The following MAP3K5 variants were observed in gnomAD, a reference collection of about 807,000 sequenced individuals.
The protein encoded by MAP3K5 is mitogen-activated protein kinase kinase kinase 5.
MAP3K5 carries 56 observed loss-of-function variants against 158.7 expected under a neutral mutation model. The observed-to-expected ratio is 0.35, with a 90% CI of 0.28 to 0.44. MAP3K5 has a LOEUF of 0.44. Ranked by LOEUF, MAP3K5 falls within the 20% of genes least tolerant of loss-of-function variation. MAP3K5 has a pLI of 1.00. For missense variants in MAP3K5, 1,294 were observed against 1,674.8 expected (o/e 0.77, Z 3.97); for synonymous variants, 579 against 601.7 (o/e 0.96, Z 0.55).
At chr6:136,782,492 A>G (rs1360946340) in intron 1 of MAP3K5, among the ~76,000 whole-genome samples, 7 of 152,136 alleles carry the variant, frequency 4.6e-5, no homozygotes, top group Non-Finnish European at 1.0e-4. Flanking sequence ...AGAAGAGGCT[A>G]CAAGTATTGG....
chr6:136,611,175 T>A lies in MAP3K5; in HGVS notation c.2521+107A>T. ...AAAAGAAAGAAAAAAGATACCAACA[T>A]TACTGTGTGTGAGAACACCAACTGA... On this transcript the variant is annotated intron_variant, in intron 18 of 29. Coordinates refer to ENST00000359015, the MANE Select transcript of MAP3K5 (RefSeq NM_005923.4). 5.8e-6 allele frequency: 3 copies of A among 520,062 alleles called. 1 individual carries two copies. The South Asian group carries it at 8.3e-5, about 14-fold the overall frequency. 32.2% of individuals were successfully genotyped at this position (520,062 alleles called of 1,614,324 possible).
chr6:136,579,839 C>A lies in MAP3K5; in HGVS notation c.3517+462G>T, dbSNP rs778479098. 3.3e-5 allele frequency: 15 copies of A among 456,668 alleles called. No individual in the cohort carries two copies. In the East Asian group the frequency reaches 6.3e-4, roughly 19 times the overall value. 28.3% of individuals were successfully genotyped at this position (456,668 alleles called of 1,614,324 possible). A position where few individuals can be genotyped will look rare whatever the true frequency, so the allele number is the denominator to read the frequency against. ...AAAAATCAGATTCCTGGGCTTTATT[C>A]CTGGCAGATTCTTATTTGGCTTCAG... On this transcript the variant is annotated intron_variant, in intron 25 of 29. Coordinates refer to ENST00000359015, the MANE Select transcript of MAP3K5 (RefSeq NM_005923.4).
chr6:136,667,549 C>T (rs986945060), intron 8 of MAP3K5, among the ~76,000 whole-genome samples: 9 of 152,022 alleles, frequency 5.9e-5, no homozygotes, highest in African/African-American at 9.7e-5. Context: ...CGTGCCAGTG[C>T]ACTCCAGCTT....
intron 15 of MAP3K5, among the ~76,000 whole-genome samples, chr6:136,616,398 G>A (rs1431414204): frequency 5.5e-5 from 8 of 146,328 alleles, no homozygotes; most frequent in East Asian, 2.1e-4. Flanking sequence ...TCTGCCTCCC[G>A]AGTTCAAGTG....
intron 7 of MAP3K5, among the ~76,000 whole-genome samples, chr6:136,683,683 C>T (rs1424934634): frequency 6.6e-6 from 1 of 152,188 alleles, no homozygotes; most frequent in Non-Finnish European, 1.5e-5. Flanking sequence ...GGGTAATTTG[C>T]CCAAGATCAC....
At chr6:136,597,012 C>T (rs1008772871) in intron 21 of MAP3K5, among the ~76,000 whole-genome samples, 1 of 152,102 alleles carries the variant, frequency 6.6e-6, no homozygotes, top group Non-Finnish European at 1.5e-5. Context: ...CAGTCACAGG[C>T]AGCCTTACTG....
In MAP3K5 at chr6:136,657,511, C is replaced by T. The variant is rs74687193; in HGVS notation, c.1527-1051G>A. Among the ~76,000 whole-genome samples the T allele has an allele frequency of 2.3e-3, 354 of 152,228 alleles. 11 individuals carry two copies. The East Asian group carries it at 0.048, about 21-fold the overall frequency. On this transcript the variant is annotated intron_variant, in intron 9 of 29. Coordinates refer to ENST00000359015, the MANE Select transcript of MAP3K5 (RefSeq NM_005923.4). ...AATATCATGCGTGCATCTATTGGTT[C>T]CTTTATTTCATATCATTTGCTGAAT...
intron 1 of MAP3K5, among the ~76,000 whole-genome samples, chr6:136,759,611 C>T (rs1486924408): frequency 1.3e-5 from 2 of 151,106 alleles, no homozygotes; most frequent in African/African-American, 2.4e-5. Flanking sequence ...GCTGGGACTA[C>T]AGGCATACAC....
At position 136,738,181 on chromosome 6, in the gene MAP3K5, G is replaced by C. The variant is rs1411215647; in HGVS notation, c.449-17592C>G. Among the ~76,000 whole-genome samples, 3 of 152,094 alleles carry C rather than the reference G, an allele frequency of 2.0e-5. No individual in the cohort carries two copies. In the South Asian group the frequency reaches 6.2e-4, roughly 32 times the overall value. Reference sequence around the variant, plus strand: ...TTTTCAGTAAAAACTTTTCTTATTAGGGAGAAAGAAATTTCATTTTACTTG... The same window carrying C: ...TTTTCAGTAAAAACTTTTCTTATTACGGAGAAAGAAATTTCATTTTACTTG... On this transcript the variant is annotated intron_variant, in intron 1 of 29. Transcript: ENST00000359015.
At chr6:136,578,129 A>G (rs2129074112) in intron 25 of MAP3K5, among the ~76,000 whole-genome samples, 1 of 152,262 alleles carries the variant, frequency 6.6e-6, no homozygotes, top group South Asian at 2.1e-4. Context: ...TCTTTTGAAT[A>G]TCTAACCTCT....
At chr6:136,598,486 G>C (rs1039191134) in intron 21 of MAP3K5, among the ~76,000 whole-genome samples, 4 of 152,292 alleles carry the variant, frequency 2.6e-5, no homozygotes, top group Middle Eastern at 3.4e-3. Context: ...ATCCTTATAC[G>C]TTCAGGGCCT....
At chr6:136,637,011 C>T in intron 14 of MAP3K5, 2 of 1,102,750 alleles carry the variant, frequency 1.8e-6, no homozygotes, top group Non-Finnish European at 2.2e-6. Context: ...GTCTGAATTG[C>T]ACATATCTCA....
chr6:136,784,361 G>A (rs1232681441), intron 1 of MAP3K5, among the ~76,000 whole-genome samples: 1 of 152,128 alleles, frequency 6.6e-6, no homozygotes, highest in Non-Finnish European at 1.5e-5. Flanking sequence ...TTCTAGTTAA[G>A]CTCTTTTAAA....
Position 136,723,879 on chromosome 6 carries a change from AAG to A in MAP3K5, c.449-3292_449-3291del, listed in dbSNP as rs530471923. Among the ~76,000 whole-genome samples the A allele has an allele frequency of 1.8e-4, 28 of 152,278 alleles. No individual in the cohort carries two copies. In the South Asian group the frequency reaches 5.8e-3, roughly 32 times the overall value. ...ACTTAAGGGCTCTTTAATACAAATA[AAG>A]AGTTTTCTTTTGGGGTCCTCAACAT... is the stretch of plus-strand genomic sequence containing the variant. On this transcript the variant is annotated intron_variant, in intron 1 of 29. Coordinates refer to ENST00000359015, the MANE Select transcript of MAP3K5 (RefSeq NM_005923.4).
At chr6:136,605,582 T>A (rs1467034025) in intron 18 of MAP3K5, among the ~76,000 whole-genome samples, 1 of 152,224 alleles carries the variant, frequency 6.6e-6, no homozygotes, top group African/African-American at 2.4e-5. Context: ...AAAAATACTT[T>A]ACCCATATTA....
At chr6:136,663,788 T>G (rs1779112268) in intron 8 of MAP3K5, among the ~76,000 whole-genome samples, 1 of 151,992 alleles carries the variant, frequency 6.6e-6, no homozygotes, top group Non-Finnish European at 1.5e-5. Context: ...TTTTGTATTT[T>G]TTTTAGTAGA....
At chr6:136,580,865 A>G (rs1774841904) in intron 24 of MAP3K5, among the ~76,000 whole-genome samples, 1 of 151,700 alleles carries the variant, frequency 6.6e-6, no homozygotes, top group African/African-American at 2.4e-5. Context: ...CCCAGGGTGG[A>G]GTGCAGTGGC....
rs1237953481 is a variant in MAP3K5, at chr6:136,694,127, A to G, written c.1253+13T>C. The G allele has an allele frequency of 1.2e-6, 2 of 1,600,586 alleles. No homozygotes were observed. Among genetic ancestry groups the G allele is most frequent in the African/African-American group, 1.3e-5 (1 of 74,190 alleles). On this transcript the variant is annotated intron_variant, in intron 7 of 29. Coordinates refer to ENST00000359015, the MANE Select transcript of MAP3K5 (RefSeq NM_005923.4). ...TACTAAGTAAGTAGCTCATTTATAT[A>G]CTATTTACTTACCAAGAAGCTCCAT...
chr6:136,730,733 A>C (rs1287524303), intron 1 of MAP3K5, among the ~76,000 whole-genome samples: 1 of 151,708 alleles, frequency 6.6e-6, no homozygotes, highest in East Asian at 1.9e-4. Flanking sequence ...AAAAAAAAAA[A>C]AAAAAAAAAA....
Sources: gnomAD v4.1 joint callset for allele counts (sites outside exome capture counted in the v4.1 genomes callset) on GRCh38, gnomAD v4.1.1 for gene constraint, MANE v1.5 for transcripts, NCBI Gene and HGNC (gene_info 2026-07-23, HGNC 2026-07-21) for gene names.